The following FHOD3 variants were observed in gnomAD, a reference collection of about 807,000 sequenced individuals.
The protein encoded by FHOD3 is formin homology 2 domain containing 3.
In FHOD3, 90 loss-of-function variants were observed where a neutral mutation model predicts 173.0. The ratio of observed to expected loss-of-function variants is 0.52; its 90% CI spans 0.44 to 0.62. FHOD3 has a LOEUF of 0.62. Ranked by LOEUF, FHOD3 falls within the 20% of genes least tolerant of loss-of-function variation. The pLI, the probability that FHOD3 is intolerant of heterozygous loss-of-function variation, is 0.00. For missense variants in FHOD3, 1,945 were observed against 2,034.7 expected (o/e 0.96, Z 0.85); for synonymous variants, 828 against 823.0 (o/e 1.01, Z -0.10).
intron 4 of FHOD3, among the ~76,000 whole-genome samples, chr18:36,507,733 G>A (rs528110641): frequency 5.3e-5 from 8 of 152,228 alleles, no homozygotes; most frequent in African/African-American, 1.7e-4. Flanking sequence ...GAGTATCCAC[G>A]TGTGTCTTCC....
chr18:36,736,076 G>A (rs1049738937), intron 20 of FHOD3, among the ~76,000 whole-genome samples: 1 of 152,238 alleles, frequency 6.6e-6, no homozygotes, highest in African/African-American at 2.4e-5. Flanking sequence ...CTTGTGATGG[G>A]GGTGCCTCAC....
intron 5 of FHOD3, among the ~76,000 whole-genome samples, chr18:36,530,214 A>G (rs555707695): frequency 2.0e-5 from 3 of 152,244 alleles, no homozygotes; most frequent in Non-Finnish European, 4.4e-5. Context: ...TGCACCCACC[A>G]CTCAGCTTAA....
intron 10 of FHOD3, among the ~76,000 whole-genome samples, chr18:36,630,806 A>AT (rs1359441421): frequency 6.6e-6 from 1 of 152,206 alleles, no homozygotes; most frequent in Non-Finnish European, 1.5e-5. Flanking sequence ...AGAATTGCTA[A>AT]TTTTTTTCCA....
chr18:36,402,541 AC>A (rs2048869308), intron 3 of FHOD3, among the ~76,000 whole-genome samples: 2 of 151,872 alleles, frequency 1.3e-5, no homozygotes, highest in Admixed American at 6.6e-5. Flanking sequence ...ACACACACAC[AC>A]ACATATGAAA....
At chr18:36,572,114 T>G (rs966470434) in intron 5 of FHOD3, among the ~76,000 whole-genome samples, 1 of 152,208 alleles carries the variant, frequency 6.6e-6, no homozygotes, top group African/African-American at 2.4e-5. Flanking sequence ...CGTGTCATTT[T>G]TGAGATGAAG....
At chr18:36,773,789 T>C (rs2043502696) in intron 28 of FHOD3, among the ~76,000 whole-genome samples, 1 of 152,162 alleles carries the variant, frequency 6.6e-6, no homozygotes, top group Admixed American at 6.5e-5. Context: ...CACCACACTG[T>C]CCACTTCACT....
At chr18:36,719,985 C>T (rs1203449616) in intron 19 of FHOD3, among the ~76,000 whole-genome samples, 1 of 152,174 alleles carries the variant, frequency 6.6e-6, no homozygotes, top group African/African-American at 2.4e-5. Flanking sequence ...AAATCATTTC[C>T]AGCCTCAGGA....
intron 1 of FHOD3, among the ~76,000 whole-genome samples, chr18:36,339,320 C>T (rs1224794036): frequency 6.6e-6 from 1 of 152,154 alleles, no homozygotes; most frequent in Non-Finnish European, 1.5e-5. Flanking sequence ...CAGCAGCCAA[C>T]TGGCTGCTTC....
At chr18:36,751,125 T>A (rs2042385990) in intron 24 of FHOD3, among the ~76,000 whole-genome samples, 1 of 152,272 alleles carries the variant, frequency 6.6e-6, no homozygotes, top group Non-Finnish European at 1.5e-5. Flanking sequence ...TGGGATATTT[T>A]CCATTTGTTT....
At chr18:36,465,585 T>A (rs978226461) in intron 3 of FHOD3, among the ~76,000 whole-genome samples, 1 of 152,148 alleles carries the variant, frequency 6.6e-6, no homozygotes, top group African/African-American at 2.4e-5. Flanking sequence ...AGGGGTGTGA[T>A]GGTGGAAGGC....
intron 3 of FHOD3, among the ~76,000 whole-genome samples, chr18:36,473,927 A>G (rs2053421422): frequency 1.3e-5 from 2 of 152,232 alleles, no homozygotes; most frequent in African/African-American, 2.4e-5. Context: ...TTAGTAATAT[A>G]CTTGGAACCT....
chr18:36,566,501 G>A (rs1426992839), intron 5 of FHOD3, among the ~76,000 whole-genome samples: 3 of 152,198 alleles, frequency 2.0e-5, no homozygotes, highest in African/African-American at 7.2e-5. Context: ...GCAGGAAGCT[G>A]AAGGGCCAGA....
intron 19 of FHOD3, among the ~76,000 whole-genome samples, chr18:36,727,731 C>T (rs917184863): frequency 1.3e-5 from 2 of 152,122 alleles, no homozygotes; most frequent in Non-Finnish European, 2.9e-5. Flanking sequence ...GGGGCCACCA[C>T]GTAGGTCTGT....
At chr18:36,552,444 A>G (rs1014945346) in intron 5 of FHOD3, among the ~76,000 whole-genome samples, 1 of 152,116 alleles carries the variant, frequency 6.6e-6, no homozygotes. Context: ...ATCTGCAAAC[A>G]GGGACAATTT....
intron 24 of FHOD3, among the ~76,000 whole-genome samples, chr18:36,750,839 C>G (rs142581222): frequency 1.3e-5 from 2 of 152,320 alleles, no homozygotes; most frequent in African/African-American, 4.8e-5. Flanking sequence ...TTCCATTGGT[C>G]TATGTGCCTG....
At chr18:36,409,917 C>T (rs917085797) in intron 3 of FHOD3, among the ~76,000 whole-genome samples, 2 of 152,210 alleles carry the variant, frequency 1.3e-5, no homozygotes, top group Non-Finnish European at 2.9e-5. Context: ...CAATAATGCC[C>T]ATGAGAGGAG....
intron 5 of FHOD3, among the ~76,000 whole-genome samples, chr18:36,536,708 G>T (rs2057009286): frequency 6.6e-6 from 1 of 152,164 alleles, no homozygotes; most frequent in Non-Finnish European, 1.5e-5. Flanking sequence ...GGAAGGGCTT[G>T]TTCCCACACT....
intron 1 of FHOD3, among the ~76,000 whole-genome samples, chr18:36,315,972 G>C (rs1949882203): frequency 6.6e-6 from 1 of 152,096 alleles, no homozygotes; most frequent in South Asian, 2.1e-4. Flanking sequence ...CTGTGGCTGA[G>C]ACAGCCATGA....
At chr18:36,694,976 G>GGTGT (rs34946996) in intron 17 of FHOD3, among the ~76,000 whole-genome samples, 70,182 of 149,058 alleles carry the variant, frequency 0.47, 16,419 homozygotes, top group East Asian at 0.67. Context: ...TGTATACGTG[G>GGTGT]GTGTGTGTGT....
Sources: gnomAD v4.1 joint callset for allele counts (sites outside exome capture counted in the v4.1 genomes callset) on GRCh38, gnomAD v4.1.1 for gene constraint, MANE v1.5 for transcripts, NCBI Gene and HGNC (gene_info 2026-07-23, HGNC 2026-07-21) for gene names.